DYSF: variants seen among roughly 807,000 people sequenced by gnomAD.
The protein encoded by DYSF is dysferlin, also known as dystrophy-associated fer-1-like 1.
DYSF carries 212 observed loss-of-function variants against 274.9 expected under a neutral mutation model. The observed-to-expected ratio is 0.77, with a 90% CI of 0.69 to 0.86. The LOEUF (loss-of-function observed/expected upper bound fraction) is 0.86, where lower values mean the gene tolerates loss of function less well. Among genes scored for constraint, DYSF ranks in the 40% least tolerant of loss-of-function variants. DYSF has a pLI of 0.00. For synonymous variants in DYSF, 1,091 were observed against 1,078.7 expected, an observed-to-expected ratio of 1.01 and a Z score of -0.22; for missense variants, 2,666 against 2,783.2, an observed-to-expected ratio of 0.96 and a Z score of 0.95.
chr2:71,485,927 T>C (rs1442552216), intron 3 of DYSF, among the ~76,000 whole-genome samples: 1 of 152,078 alleles, frequency 6.6e-6, no homozygotes, highest in Non-Finnish European at 1.5e-5. Context: ...GATTCTCCCA[T>C]CTCGGCCTCC....
chr2:71,539,443 T>C (rs952613688), intron 17 of DYSF, among the ~76,000 whole-genome samples: 55 of 152,164 alleles, frequency 3.6e-4, no homozygotes, highest in African/African-American at 1.2e-3. Context: ...GATTGTGGGA[T>C]ATGCCACTGA....
intron 3 of DYSF, among the ~76,000 whole-genome samples, chr2:71,489,715 G>T (rs77142807): frequency 0.019 from 2,890 of 152,308 alleles, 39 homozygotes; most frequent in Non-Finnish European, 0.032. Context: ...TATGCTGGTG[G>T]GATTGAGGGG....
intron 1 of DYSF, among the ~76,000 whole-genome samples, chr2:71,474,379 A>C (rs776922956): frequency 3.6e-4 from 55 of 152,196 alleles, no homozygotes; most frequent in Non-Finnish European, 5.4e-4. Flanking sequence ...GCAGTTTGGG[A>C]AGAGGGCATG....
intron 47 of DYSF, 70 bp from the exon 48 acceptor site, chr2:71,667,306 T>G (rs1422837522): frequency 1.7e-5 from 27 of 1,610,328 alleles, no homozygotes; most frequent in Non-Finnish European, 2.2e-5. Context: ...GCTCAGCCTG[T>G]TCACTGGGCA....
intron 35 of DYSF, chr2:71,602,547 AC>A: frequency 1.9e-6 from 1 of 515,486 alleles, no homozygotes; most frequent in South Asian, 2.0e-5. Flanking sequence ...CTCTGCACTG[AC>A]ATCCATCACA....
chr2:71,589,831 ATG>A (rs148120948), intron 31 of DYSF, 145 bp downstream of exon 31: 856 of 810,420 alleles, frequency 1.1e-3, no homozygotes, highest in Middle Eastern at 1.5e-3. Flanking sequence ...TGCTGTGTGT[ATG>A]TGTGTGTGTG....
At chr2:71,543,632 G>A (rs2090166551) in intron 17 of DYSF, among the ~76,000 whole-genome samples, 1 of 152,250 alleles carries the variant, frequency 6.6e-6, no homozygotes, top group African/African-American at 2.4e-5. Context: ...GGCGGAGGCT[G>A]GCAGATCACT....
chr2:71,501,874 C>A (rs547860804), intron 3 of DYSF, among the ~76,000 whole-genome samples: 1 of 152,276 alleles, frequency 6.6e-6, no homozygotes, highest in East Asian at 1.9e-4. Flanking sequence ...GTGCAAATAT[C>A]TAGGTCCCTG....
intron 29 of DYSF, among the ~76,000 whole-genome samples, chr2:71,571,969 A>G (rs1445563472): frequency 1.4e-5 from 2 of 143,338 alleles, no homozygotes; most frequent in African/African-American, 5.3e-5. Flanking sequence ...CACAGATCAC[A>G]CCGAGCATGG....
chr2:71,626,667 A>G (rs1035278889), intron 41 of DYSF, among the ~76,000 whole-genome samples: 5 of 151,572 alleles, frequency 3.3e-5, no homozygotes, highest in Admixed American at 6.6e-5. Flanking sequence ...ATTTTTTGGG[A>G]TGATATTGGC....
rs1030615642 is a variant in DYSF, at chr2:71,505,501, C to T, written c.345+2182C>T. ...TAGGAAACTCTGGCAGACTGAGAGG[C>T]GTGGGGGAGGCCGGGAGTCCTGCCG... On this transcript the variant is annotated intron_variant, in intron 4 of 55. Coordinates refer to ENST00000410020, the MANE Select transcript of DYSF (RefSeq NM_001130987.2). Among the ~76,000 whole-genome samples the T allele has an allele frequency of 3.3e-5, 5 of 152,304 alleles. No individual in the cohort carries two copies. In the South Asian group the frequency reaches 1.0e-3, roughly 32 times the overall value.
At position 71,534,911 on chromosome 2, in the gene DYSF, C is replaced by G. The variant is rs1237529010; in HGVS notation, c.1381-110C>G. On this transcript the variant is annotated intron_variant, in intron 14 of 55. Coordinates refer to ENST00000410020, the MANE Select transcript of DYSF (RefSeq NM_001130987.2). Reference sequence around the variant, plus strand: ...CAACCCCAGGGTCTTACACCCAGCCCTAAGGGCAGCCAGCATGGCAGAGAA... The same window carrying G: ...CAACCCCAGGGTCTTACACCCAGCCGTAAGGGCAGCCAGCATGGCAGAGAA... 3.3e-6 allele frequency: 4 copies of G among 1,203,890 alleles called. No homozygotes were observed. In the East Asian group the frequency reaches 7.1e-5, roughly 21 times the overall value. The allele number at this position is 1,203,890 out of a possible 1,614,324, so 74.6% of individuals were successfully genotyped here. A position where few individuals can be genotyped will look rare whatever the true frequency, so the allele number is the denominator to read the frequency against.
chr2:71,668,920 G>T, intron 49 of DYSF, 78 bp downstream of exon 49: 1 of 1,488,740 alleles, frequency 6.7e-7, no homozygotes, highest in Non-Finnish European at 9.2e-7. Flanking sequence ...GGACTAGGCG[G>T]TTGCTCTTTT....
intron 53 of DYSF, among the ~76,000 whole-genome samples, chr2:71,680,678 G>A (rs539367930): frequency 2.6e-5 from 4 of 152,248 alleles, no homozygotes; most frequent in East Asian, 1.9e-4. Flanking sequence ...AATATATTCC[G>A]AAGTGAAAAA....
At position 71,550,148 on chromosome 2, in the gene DYSF, T is replaced by C. The variant is rs2090826885; in HGVS notation, c.1577-893T>C. On this transcript the variant is annotated intron_variant, in intron 17 of 55. Coordinates refer to ENST00000410020, the MANE Select transcript of DYSF (RefSeq NM_001130987.2). ...TGGGTCGTTCCAGAGGGTTCCTGTC[T>C]CTGGCCCTGCTTTCTACCTTTGGCA... 2.6e-5 allele frequency among the ~76,000 whole-genome samples: 4 copies of C among 152,364 alleles called. No homozygotes were observed. The South Asian group carries it at 8.3e-4, about 32-fold the overall frequency.
intron 17 of DYSF, among the ~76,000 whole-genome samples, chr2:71,550,318 G>A (rs561261233): frequency 6.6e-6 from 1 of 152,248 alleles, no homozygotes; most frequent in African/African-American, 2.4e-5. Flanking sequence ...TCCAGAAAAG[G>A]ATGAAAGAAT....
At chr2:71,479,257 A>G (rs1380923259) in intron 1 of DYSF, among the ~76,000 whole-genome samples, 1 of 151,634 alleles carries the variant, frequency 6.6e-6, no homozygotes, top group Non-Finnish European at 1.5e-5. Context: ...GGAAGTGCCC[A>G]GGGCACTGCA....
rs541105797 is a variant in DYSF, at chr2:71,595,052, A to G, written c.3575-3512A>G. 4.6e-5 allele frequency among the ~76,000 whole-genome samples: 7 copies of G among 152,350 alleles called. No individual in the cohort carries two copies. The South Asian group carries it at 1.0e-3, about 23-fold the overall frequency. On this transcript the variant is annotated intron_variant, in intron 32 of 55. Transcript: ENST00000410020. ...AACGCAAGAGTGAACGTCTTTGTACATACATCTAGCTTTTTGGTGAATCTG... is the reference window on the plus strand; with the variant it reads ...AACGCAAGAGTGAACGTCTTTGTACGTACATCTAGCTTTTTGGTGAATCTG...
Position 71,598,566 on chromosome 2 carries a change from C to T in DYSF, c.3577C>T (p.Pro1193Ser), listed in dbSNP as rs916964397. The T allele has an allele frequency of 1.9e-6, 3 of 1,614,104 alleles. No individual in the cohort carries two copies. Among genetic ancestry groups the T allele is most frequent in the Non-Finnish European group, 2.5e-6 (3 of 1,180,058 alleles). The change falls in exon 33 of 56, where the codon CCC becomes TCC. Residue 1193 changes from proline (P) to serine (S), a missense_variant and splice_region_variant. This residue lies in a region of DYSF where 1,460 missense variants were observed against 1,502.1 expected (regional missense o/e 0.97). Coordinates refer to ENST00000410020, the MANE Select transcript of DYSF (RefSeq NM_001130987.2). ...CTCCCCCTCTCCGGCCCATGCAGATCCCTATGCCATCGTCTCCTTCCTGCA... is the reference window on the plus strand; with the variant it reads ...CTCCCCCTCTCCGGCCCATGCAGATTCCTATGCCATCGTCTCCTTCCTGCA... The part of the protein sequence containing the change: ...AAMDKDSFSD[P>S]YAIVSFLHQS...
Sources: gnomAD v4.1 joint callset for allele counts (sites outside exome capture counted in the v4.1 genomes callset) on GRCh38, gnomAD v4.1.1 for gene constraint, gnomAD v4.1.1 regional missense constraint, MANE v1.5 for transcripts, NCBI Gene and HGNC (gene_info 2026-07-23, HGNC 2026-07-21) for gene names.